Variants in ZMYM2 observed in about 807,000 individuals in gnomAD.
ZMYM2 encodes zinc finger MYM-type containing 2.
ZMYM2 carries 56 observed loss-of-function variants against 162.8 expected under a neutral mutation model. The observed-to-expected ratio is 0.34, with a 90% CI of 0.28 to 0.43. The LOEUF (loss-of-function observed/expected upper bound fraction) is 0.43. ZMYM2 is among the 20% of genes least tolerant of loss of function. ZMYM2 has a pLI of 1.00. For missense variants in ZMYM2, 1,275 were observed against 1,621.8 expected, an observed-to-expected ratio of 0.79 and a Z score of 3.67; for synonymous variants, 510 against 541.6, an observed-to-expected ratio of 0.94 and a Z score of 0.81.
intron 18 of ZMYM2, 136 bp from the exon 19 acceptor site, chr13:20,064,315 A>G (rs1956504649): frequency 9.3e-6 from 5 of 537,594 alleles, no homozygotes; most frequent in Non-Finnish European, 1.5e-5. Flanking sequence ...ACAATGAGTC[A>G]TTTACTCCCC....
At chr13:19,942,532 G>A in the ZMYM2 span, among the ~76,000 whole-genome samples, 2 of 145,310 alleles carry the variant, frequency 1.4e-5, no homozygotes, top group South Asian at 2.2e-4. Context: ...GGGAGATACC[G>A]TCTCTACAAA....
chr13:19,960,195 T>C (rs1955043265), intron 2 of ZMYM2, among the ~76,000 whole-genome samples, 169 bp downstream of exon 2: 1 of 151,906 alleles, frequency 6.6e-6, no homozygotes, highest in Non-Finnish European at 1.5e-5. Flanking sequence ...CAGCTGGGAG[T>C]GGGCGCTGCT....
the ZMYM2 span, among the ~76,000 whole-genome samples, chr13:19,939,969 G>T: frequency 3.9e-5 from 6 of 152,134 alleles, no homozygotes; most frequent in Non-Finnish European, 5.9e-5. Flanking sequence ...TAGTTGTACC[G>T]ATCTGGAACA....
intron 12 of ZMYM2, among the ~76,000 whole-genome samples, chr13:20,046,579 A>ATGTGTGTGTGTGTG (rs1354962013): frequency 7.3e-5 from 3 of 41,096 alleles, no homozygotes; most frequent in Non-Finnish European, 1.9e-4. Flanking sequence ...ATATATATAT[A>ATGTGTGTGTGTGTG]TATGTGTGTG....
chr13:19,886,407 C>T, the ZMYM2 span, among the ~76,000 whole-genome samples: 1 of 151,676 alleles, frequency 6.6e-6, no homozygotes, highest in Non-Finnish European at 1.5e-5. Flanking sequence ...CGGTGATCTG[C>T]CTGCCTCGGC....
rs537363265 is a variant in ZMYM2 at position 19,977,296 on chromosome 13, C to T, written c.-10-15767C>T. Among the ~76,000 whole-genome samples the T allele has an allele frequency of 3.9e-5, 6 of 152,248 alleles. No homozygotes were observed. In the South Asian group the frequency reaches 1.2e-3, roughly 32 times the overall value. On this transcript the variant is annotated intron_variant, in intron 2 of 24. Coordinates refer to ENST00000610343, the MANE Select transcript of ZMYM2 (RefSeq NM_197968.4). ...TTCGGCTCCCAAAGTGTTGGGATTA[C>T]AGGCATGAACCATGGTGCCCGGCCC...
chr13:19,982,436 C>T (rs901799003), intron 2 of ZMYM2, among the ~76,000 whole-genome samples: 4 of 151,696 alleles, frequency 2.6e-5, no homozygotes, highest in Admixed American at 6.6e-5. Context: ...TACAGGTGTG[C>T]GCCACCATGC....
chr13:19,923,022 CAAAAAAAA>C, the ZMYM2 span, among the ~76,000 whole-genome samples: 2 of 94,542 alleles, frequency 2.1e-5, 1 homozygote, highest in South Asian at 7.7e-4. Flanking sequence ...GACTCCATCT[CAAAAAAAA>C]AAAAAAAAAG....
At chr13:19,903,172 CAAAT>C in the ZMYM2 span, among the ~76,000 whole-genome samples, 2 of 151,678 alleles carry the variant, frequency 1.3e-5, no homozygotes, top group African/African-American at 4.8e-5. Context: ...TAATAATAAA[CAAAT>C]AAATAAATTA....
chr13:19,879,757 CT>C, the ZMYM2 span, among the ~76,000 whole-genome samples: 1 of 152,256 alleles, frequency 6.6e-6, no homozygotes, highest in East Asian at 1.9e-4. Context: ...TGATGGCCAA[CT>C]TTTTGTGCCA....
intron 12 of ZMYM2, among the ~76,000 whole-genome samples, chr13:20,051,229 A>G (rs1955297069): frequency 1.4e-5 from 2 of 143,168 alleles, no homozygotes; most frequent in Non-Finnish European, 3.0e-5. Context: ...TAAGTATAGG[A>G]TGGACTTTGT....
chr13:20,064,814 ACTGTTT>A (rs562190989), intron 19 of ZMYM2, among the ~76,000 whole-genome samples: 11 of 147,150 alleles, frequency 7.5e-5, no homozygotes, highest in Non-Finnish European at 1.4e-4. Flanking sequence ...ATAATTTATT[ACTGTTT>A]CTAAGTAATA....
chr13:19,889,952 G>A, the ZMYM2 span, among the ~76,000 whole-genome samples: 1 of 151,594 alleles, frequency 6.6e-6, no homozygotes, highest in South Asian at 2.1e-4. Flanking sequence ...TAGCTCAAGC[G>A]TATTAGTATT....
chr13:19,975,268 C>T (rs952978556), intron 2 of ZMYM2, among the ~76,000 whole-genome samples: 1 of 151,372 alleles, frequency 6.6e-6, no homozygotes, highest in Non-Finnish European at 1.5e-5. Context: ...TTCACAGTTT[C>T]TTGTAAAAAT....
At chr13:19,886,221 A>G in the ZMYM2 span, among the ~76,000 whole-genome samples, 2 of 126,684 alleles carry the variant, frequency 1.6e-5, no homozygotes, top group Non-Finnish European at 3.1e-5. Flanking sequence ...CTGGAGTGCG[A>G]TGGCGCAATC....
chr13:19,938,254 C>T, the ZMYM2 span, among the ~76,000 whole-genome samples: 2 of 152,098 alleles, frequency 1.3e-5, no homozygotes, highest in Non-Finnish European at 2.9e-5. Flanking sequence ...CACCTATAAT[C>T]CCAGCACTTT....
the ZMYM2 span, among the ~76,000 whole-genome samples, chr13:19,876,111 C>T: frequency 6.6e-6 from 1 of 151,556 alleles, no homozygotes; most frequent in Non-Finnish European, 1.5e-5. Flanking sequence ...ACTGCAATCT[C>T]CACCTCCCGG....
chr13:19,872,637 T>C, the ZMYM2 span, among the ~76,000 whole-genome samples: 1 of 152,188 alleles, frequency 6.6e-6, no homozygotes, highest in Admixed American at 6.5e-5. Flanking sequence ...TAAGACAATA[T>C]GAATAATTAT....
At chr13:20,067,150 A>C in intron 20 of ZMYM2, 89 bp from the exon 21 acceptor site, 2 of 1,387,060 alleles carry the variant, frequency 1.4e-6, no homozygotes, top group Non-Finnish European at 9.6e-7. Flanking sequence ...TTTACTTCAG[A>C]GCTCTTACAA....
Sources: gnomAD v4.1 joint callset for allele counts (sites outside exome capture counted in the v4.1 genomes callset) on GRCh38, gnomAD v4.1.1 for gene constraint, MANE v1.5 for transcripts, NCBI Gene and HGNC (gene_info 2026-07-23, HGNC 2026-07-21) for gene names.